KAT6A: variants seen among roughly 807,000 people sequenced by gnomAD.
The protein encoded by KAT6A is histone acetyltransferase KAT6A.
Under a neutral mutation model 198.4 loss-of-function variants are expected in KAT6A, and 9 were observed. That is an observed-to-expected ratio of 0.05 (90% CI 0.03 to 0.08). The LOEUF is 0.08. Among genes scored for constraint, KAT6A ranks in the 10% least tolerant of loss-of-function variants. The pLI, the probability that KAT6A is intolerant of heterozygous loss-of-function variation, is 1.00. For missense variants in KAT6A, 2,077 were observed against 2,509.9 expected, an observed-to-expected ratio of 0.83 and a Z score of 3.69; for synonymous variants, 890 against 883.0, an observed-to-expected ratio of 1.01 and a Z score of -0.14.
intron 8 of KAT6A, among the ~76,000 whole-genome samples, chr8:41,960,333 A>T (rs1207596026): frequency 6.6e-6 from 1 of 152,040 alleles, no homozygotes; most frequent in South Asian, 2.1e-4. Context: ...TAATCCCAGC[A>T]CTTTGGGAGG....
chr8:41,980,817 C>A (rs1441864639), intron 5 of KAT6A, 29 bp downstream of exon 5: 1 of 1,472,474 alleles, frequency 6.8e-7, no homozygotes, highest in South Asian at 1.1e-5. Flanking sequence ...CTTTATATTC[C>A]CAGTTTTATT....
intron 2 of KAT6A, among the ~76,000 whole-genome samples, chr8:42,024,871 A>G (rs1019088630): frequency 1.2e-4 from 19 of 152,168 alleles, no homozygotes; most frequent in Admixed American, 7.2e-4. Context: ...GGTTGATTCC[A>G]TATCTTGGCT....
intron 7 of KAT6A, among the ~76,000 whole-genome samples, chr8:41,976,017 C>T (rs1412436707): frequency 2.0e-5 from 3 of 152,142 alleles, no homozygotes; most frequent in African/African-American, 7.2e-5. Flanking sequence ...GTCTTGAATG[C>T]TTAAAGAGTA....
At chr8:41,963,239 A>G (rs891923549) in intron 8 of KAT6A, among the ~76,000 whole-genome samples, 1 of 152,192 alleles carries the variant, frequency 6.6e-6, no homozygotes, top group South Asian at 2.1e-4. Context: ...TAAAAATTTT[A>G]AACAATCACA....
chr8:42,013,210 A>G (rs1045563421), intron 2 of KAT6A, among the ~76,000 whole-genome samples: 1 of 151,856 alleles, frequency 6.6e-6, no homozygotes, highest in Non-Finnish European at 1.5e-5. Context: ...TTTATAGATA[A>G]ATAAATATAG....
At chr8:41,984,750 G>A (rs972143603) in intron 3 of KAT6A, among the ~76,000 whole-genome samples, 6 of 152,078 alleles carry the variant, frequency 3.9e-5, no homozygotes, top group South Asian at 2.1e-4. Context: ...AGGCCAAGGC[G>A]GGAGGATCAC....
intron 2 of KAT6A, among the ~76,000 whole-genome samples, chr8:42,017,817 C>G (rs1277102014): frequency 6.6e-6 from 1 of 152,188 alleles, no homozygotes; most frequent in Non-Finnish European, 1.5e-5. Flanking sequence ...GAGGGAAGCT[C>G]TCAAAGTACA....
intron 2 of KAT6A, among the ~76,000 whole-genome samples, chr8:41,990,743 C>CA: frequency 6.6e-6 from 1 of 152,128 alleles, no homozygotes; most frequent in South Asian, 2.1e-4. Context: ...CCTGTAATCC[C>CA]AGCACTTTGG....
chr8:41,944,558 A>G (rs1355690811), intron 12 of KAT6A, among the ~76,000 whole-genome samples: 1 of 152,202 alleles, frequency 6.6e-6, no homozygotes, highest in East Asian at 1.9e-4. Flanking sequence ...CAAAGGCCTA[A>G]CTTCTAAGGA....
intron 2 of KAT6A, among the ~76,000 whole-genome samples, chr8:41,989,047 A>G (rs1166234421): frequency 1.3e-5 from 2 of 152,214 alleles, no homozygotes. Flanking sequence ...AAACAGGAGG[A>G]AAGTGGGGAA....
chr8:42,035,459 T>A (rs886697323), intron 2 of KAT6A, among the ~76,000 whole-genome samples: 1 of 152,036 alleles, frequency 6.6e-6, no homozygotes, highest in Non-Finnish European at 1.5e-5. Context: ...TAGAAATAAC[T>A]CAGGAAAGTT....
chr8:41,957,122 G>T lies in KAT6A; in HGVS notation c.1483-1711C>A, dbSNP rs1427187698. The T allele has an allele frequency of 6.6e-6, 4 of 603,990 alleles. No homozygotes were observed. The African/African-American group carries it at 7.2e-5, about 11-fold the overall frequency. The allele number at this position is 603,990 out of a possible 1,614,324, so 37.4% of individuals were successfully genotyped here. On this transcript the variant is annotated intron_variant, in intron 8 of 16. Coordinates refer to ENST00000265713, the MANE Select transcript of KAT6A (RefSeq NM_006766.5). Reference sequence around the variant, plus strand: ...CTGCTCTTCTAGGCGGATGCCCGATGTGAAAGTGGATATCCAGTTCCAGTA... The same window carrying T: ...CTGCTCTTCTAGGCGGATGCCCGATTTGAAAGTGGATATCCAGTTCCAGTA...
chr8:41,959,215 T>C (rs1201361270), intron 8 of KAT6A, among the ~76,000 whole-genome samples: 1 of 144,624 alleles, frequency 6.9e-6, no homozygotes, highest in South Asian at 2.2e-4. Context: ...CCAAAGAAGA[T>C]ATACAGATGG....
chr8:41,989,528 A>ACGTGACGTGACGTGACGTG (rs1824809251), intron 2 of KAT6A, among the ~76,000 whole-genome samples: 1 of 149,500 alleles, frequency 6.7e-6, no homozygotes, highest in Non-Finnish European at 1.5e-5. Context: ...AACATAACGT[A>ACGTGACGTGACGTGACGTG]ACGTGACGTG....
rs186692533 is a variant in KAT6A, at chr8:41,946,584, T to G, written c.1996+7A>C. The G allele has an allele frequency of 1.4e-6, 2 of 1,447,704 alleles. No homozygotes were observed. The highest frequency in any genetic ancestry group is 1.4e-5 in the African/African-American group (1 of 70,128). 89.7% of individuals were successfully genotyped at this position (1,447,704 alleles called of 1,614,324 possible). On this transcript the variant is annotated splice_region_variant and intron_variant, in intron 12 of 16. Transcript: ENST00000265713. Reference sequence around the variant, plus strand: ...AAAGACCAATGAGAAATTAATATAATCCTTACTGAAATCGATGAGAAACCT... The same window carrying G: ...AAAGACCAATGAGAAATTAATATAAGCCTTACTGAAATCGATGAGAAACCT...
Position 42,042,639 on chromosome 8 carries a change from C to T in KAT6A, c.600+5739G>A, listed in dbSNP as rs536710142. ...GAAGGCAAGAGATTTATCATTGGAT[C>T]TTTCTGCTCCAGGTTACCCAGCTGG... On this transcript the variant is annotated intron_variant, in intron 2 of 16. Coordinates refer to ENST00000265713, the MANE Select transcript of KAT6A (RefSeq NM_006766.5). Among the ~76,000 whole-genome samples the T allele has an allele frequency of 1.1e-3, 173 of 152,310 alleles. 2 individuals are homozygous for T. The highest frequency in any genetic ancestry group is 2.3e-3 in the South Asian group (11 of 4,830).
rs142673548 is a variant in KAT6A at position 41,991,298 on chromosome 8, T to C, written c.601-3735A>G. 5.3e-5 allele frequency among the ~76,000 whole-genome samples: 8 copies of C among 152,320 alleles called. No homozygotes were observed. The East Asian group carries it at 1.3e-3, about 26-fold the overall frequency. ...ACTGTGCTGTATTCATACAGTAGAA[T>C]GTTAAACAGTAATAAAAATAAACAA... On this transcript the variant is annotated intron_variant, in intron 2 of 16. Transcript: ENST00000265713.
intron 2 of KAT6A, among the ~76,000 whole-genome samples, chr8:42,035,748 T>C (rs1277140838): frequency 1.3e-5 from 2 of 152,222 alleles, no homozygotes; most frequent in Non-Finnish European, 2.9e-5. Flanking sequence ...AAAAGCCAGA[T>C]TGCAGCAGAC....
At chr8:41,937,685 G>A (rs1190081575) in intron 15 of KAT6A, 117 bp from the exon 16 acceptor site, 3 of 725,452 alleles carry the variant, frequency 4.1e-6, no homozygotes, top group East Asian at 2.8e-5. Context: ...GATGTTGTTT[G>A]CCAAAAAATA....
Sources: allele counts gnomAD v4.1 joint callset (sites outside exome capture counted in the v4.1 genomes callset), GRCh38; gene constraint gnomAD v4.1.1; transcripts MANE v1.5; gene names NCBI Gene and HGNC (gene_info 2026-07-23, HGNC 2026-07-21).